Variants in FAM169A observed in about 807,000 individuals in gnomAD.
FAM169A encodes the protein family with sequence similarity 169 member A, also known as soluble lamin-associated protein of 75 kDa.
FAM169A carries 24 observed loss-of-function variants against 75.7 expected under a neutral mutation model. That is an observed-to-expected ratio of 0.32 (90% confidence interval 0.23 to 0.45). FAM169A has a LOEUF of 0.45. Ranked by LOEUF, FAM169A falls within the 20% of genes least tolerant of loss-of-function variation. The pLI is 1.00. For synonymous variants in FAM169A, 271 were observed against 271.0 expected (o/e 1.00, Z 0.00); for missense variants, 673 against 784.0 (o/e 0.86, Z 1.69).
Position 74,781,438 on chromosome 5 carries a change from TATC to T in FAM169A, c.*19_*21del, listed in dbSNP as rs757208180. 22 of 1,591,928 alleles carry T rather than the reference TATC, an allele frequency of 1.4e-5. No individual in the cohort carries two copies. The Admixed American group carries it at 3.8e-4, about 27-fold the overall frequency. Reference sequence around the variant, plus strand: ...CAACTATGTTACAAAGAAGAGGATTTATCATCCACTTTCTTCTTCCTTCAGGTC... The same window carrying T: ...CAACTATGTTACAAAGAAGAGGATTTATCCACTTTCTTCTTCCTTCAGGTC... On this transcript the variant is annotated 3_prime_UTR_variant, in exon 13 of 13. Transcript: ENST00000687041.
chr5:74,805,324 T>G, intron 6 of FAM169A, 40 bp from the exon 7 acceptor site: 1 of 1,599,642 alleles, frequency 6.3e-7, no homozygotes, highest in Non-Finnish European at 8.5e-7. Flanking sequence ...ATCCCAAATA[T>G]CCACTGTTTT....
In FAM169A at chr5:74,781,133, AC is replaced by A; in HGVS notation, c.*326del. The A allele has an allele frequency of 4.5e-6, 1 of 221,712 alleles. No individual in the cohort carries two copies. The highest frequency in any genetic ancestry group is 8.9e-6 in the Non-Finnish European group (1 of 112,016). 13.7% of individuals were successfully genotyped at this position (221,712 alleles called of 1,614,324 possible). A position where few individuals can be genotyped will look rare whatever the true frequency, so the allele number is the denominator to read the frequency against. On this transcript the variant is annotated 3_prime_UTR_variant, in exon 13 of 13. Coordinates refer to ENST00000687041, the MANE Select transcript of FAM169A (RefSeq NM_001376049.1). ...GATCCTTATAAGTAATGGAAATCCT[AC>A]TACTTTCACAGCTTTTTAATTATAT...
At chr5:74,805,976 CAAAAAAA>C (rs370761667) in intron 6 of FAM169A, among the ~76,000 whole-genome samples, 9 of 85,254 alleles carry the variant, frequency 1.1e-4, no homozygotes, top group South Asian at 3.8e-4. Flanking sequence ...TTAAAAGCTC[CAAAAAAA>C]AAAAAAAAAA....
Position 74,778,042 on chromosome 5 carries a change from A to C in FAM169A, c.*3418T>G, listed in dbSNP as rs960539017. 1 of 152,088 alleles carries C rather than the reference A, an allele frequency of 6.6e-6. No individual in the cohort carries two copies. Among genetic ancestry groups the C allele is most frequent in the African/African-American group, 2.4e-5 (1 of 41,452 alleles). The allele number at this position is 152,088 out of a possible 1,614,324, so 9.4% of individuals were successfully genotyped here. A position where few individuals can be genotyped will look rare whatever the true frequency, so the allele number is the denominator to read the frequency against. The stretch of plus-strand genomic sequence containing the variant: ...ACTAATATAAATGGGTGATGTGTGG[A>C]TCACAAGTTCTAGAAGGCGAATAAA... On this transcript the variant is annotated 3_prime_UTR_variant, in exon 13 of 13. Transcript: ENST00000687041.
intron 11 of FAM169A, among the ~76,000 whole-genome samples, chr5:74,785,399 G>A (rs202239557): frequency 7.9e-5 from 12 of 152,264 alleles, no homozygotes; most frequent in Non-Finnish European, 1.2e-4. Flanking sequence ...TAAAAAATAC[G>A]TGCTTTTAAC....
Position 74,838,434 on chromosome 5 carries a change from A to G in FAM169A, c.318+531T>C, listed in dbSNP as rs562905354. Among the ~76,000 whole-genome samples the G allele has an allele frequency of 3.3e-5, 5 of 152,282 alleles. No homozygotes were observed. In the South Asian group the frequency reaches 1.0e-3, roughly 32 times the overall value. ...TATCCTCCAATAACTAGAGCACCAG[A>G]GATGTCTCTTAAACCCTTTCATCTC... On this transcript the variant is annotated intron_variant, in intron 4 of 12. Coordinates refer to ENST00000687041, the MANE Select transcript of FAM169A (RefSeq NM_001376049.1).
chr5:74,835,461 G>A (rs1260760753), intron 4 of FAM169A, among the ~76,000 whole-genome samples: 7 of 151,908 alleles, frequency 4.6e-5, no homozygotes, highest in Admixed American at 4.6e-4. Flanking sequence ...CATTAGCCAG[G>A]TATGGCTGAG....
At chr5:74,827,824 G>A (rs1029697139) in intron 5 of FAM169A, among the ~76,000 whole-genome samples, 15 of 150,714 alleles carry the variant, frequency 1.0e-4, no homozygotes, top group East Asian at 6.0e-4. Flanking sequence ...CATCATGCCC[G>A]GCTAATTTTT....
chr5:74,783,659 C>G (rs1580068600), intron 11 of FAM169A, among the ~76,000 whole-genome samples: 1 of 152,270 alleles, frequency 6.6e-6, no homozygotes, highest in East Asian at 1.9e-4. Context: ...GGAGAGAGCC[C>G]TAGTCTCAGT....
intron 1 of FAM169A, among the ~76,000 whole-genome samples, chr5:74,861,776 A>T (rs1750048373): frequency 6.6e-6 from 1 of 152,228 alleles, no homozygotes; most frequent in Non-Finnish European, 1.5e-5. Flanking sequence ...TATTGAAGTC[A>T]TCCTTTCCCT....
chr5:74,853,344 CTA>C (rs1234807382), intron 1 of FAM169A, among the ~76,000 whole-genome samples: 1 of 152,216 alleles, frequency 6.6e-6, no homozygotes, highest in African/African-American at 2.4e-5. Flanking sequence ...TTGAAACACT[CTA>C]CACATCTCAT....
intron 2 of FAM169A, among the ~76,000 whole-genome samples, chr5:74,841,016 G>C (rs1041675903): frequency 6.6e-6 from 1 of 152,000 alleles, no homozygotes; most frequent in African/African-American, 2.4e-5. Flanking sequence ...AATTCTTTAA[G>C]TCACCTCCAG....
At chr5:74,802,785 CA>C (rs1746656340) in intron 8 of FAM169A, among the ~76,000 whole-genome samples, 2 of 152,132 alleles carry the variant, frequency 1.3e-5, no homozygotes, top group Admixed American at 6.5e-5. Context: ...ATTTATAGAA[CA>C]AAAGCAAGGG....
At chr5:74,792,532 C>T (rs59572381) in intron 11 of FAM169A, among the ~76,000 whole-genome samples, 3,597 of 76,352 alleles carry the variant, frequency 0.047, 142 homozygotes, top group African/African-American at 0.31. Context: ...CTTCCTTGCT[C>T]CCTTGCTCCC....
At chr5:74,847,878 C>A (rs1369133162) in intron 1 of FAM169A, among the ~76,000 whole-genome samples, 1 of 151,940 alleles carries the variant, frequency 6.6e-6, no homozygotes, top group Non-Finnish European at 1.5e-5. Context: ...TACTTAAATA[C>A]AAAACAACCC....
At chr5:74,794,629 A>T (rs1266978640) in intron 11 of FAM169A, among the ~76,000 whole-genome samples, 1 of 150,908 alleles carries the variant, frequency 6.6e-6, no homozygotes, top group Non-Finnish European at 1.5e-5. Context: ...ATACAAAAAA[A>T]TTAGCCGGGC....
At chr5:74,809,214 A>T (rs756295093) in intron 6 of FAM169A, among the ~76,000 whole-genome samples, 1 of 152,228 alleles carries the variant, frequency 6.6e-6, no homozygotes, top group Non-Finnish European at 1.5e-5. Flanking sequence ...CTTGCAAAAA[A>T]TGCACATGGA....
intron 11 of FAM169A, among the ~76,000 whole-genome samples, chr5:74,786,402 A>T (rs1350854907): frequency 6.6e-6 from 1 of 152,146 alleles, no homozygotes; most frequent in Non-Finnish European, 1.5e-5. Flanking sequence ...TTGGCTCCTT[A>T]ATATGATCAG....
upstream of FAM169A, chr5:74,866,514 G>A: frequency 1.6e-6 from 1 of 616,860 alleles, no homozygotes; most frequent in Non-Finnish European, 2.0e-6. Context: ...CTCCAGCCCC[G>A]GCTTTCAGGC....
Sources: allele counts gnomAD v4.1 joint callset (sites outside exome capture counted in the v4.1 genomes callset), GRCh38; gene constraint gnomAD v4.1.1; transcripts MANE v1.5; gene names NCBI Gene and HGNC (gene_info 2026-07-23, HGNC 2026-07-21).